Variants in SNRK observed in about 807,000 individuals in gnomAD.
SNRK encodes SNF related kinase.
SNRK carries 3 observed loss-of-function variants against 48.2 expected under a neutral mutation model. The observed-to-expected ratio is 0.06, with a 90% CI of 0.03 to 0.16. The LOEUF is 0.16. SNRK is among the 10% of genes least tolerant of loss of function. The pLI is 1.00. For missense variants in SNRK, 627 were observed against 976.0 expected (o/e 0.64, Z 4.76); for synonymous variants, 376 against 366.1 (o/e 1.03, Z -0.31).
chr3:43,287,718 C>G (rs1323070242), intron 1 of SNRK, among the ~76,000 whole-genome samples: 1 of 152,148 alleles, frequency 6.6e-6, no homozygotes, highest in Non-Finnish European at 1.5e-5. Flanking sequence ...ACATGAAATG[C>G]CTGAGTTTGG....
Position 43,303,353 on chromosome 3 carries a change from A to G in SNRK, c.150A>G (p.Thr50=). 6.2e-7 allele frequency: 1 copy of G among 1,614,198 alleles called. No individual in the cohort carries two copies. The highest frequency in any genetic ancestry group is 1.7e-5 in the Admixed American group (1 of 60,022). Residue 50 remains threonine, a synonymous_variant, in exon 3 of 7, where the codon ACA becomes ACG. Coordinates refer to ENST00000296088, the MANE Select transcript of SNRK (RefSeq NM_017719.5). This position sits in a 1 kb window ranked among gnomAD's most constrained non-coding sequence, Gnocchi z 6.2. The stretch of plus-strand genomic sequence containing the variant: ...TGGCAGTAAAAGTTATTGACAAGAC[A>G]AAACTGGACACTCTAGCTACTGGTC... ...EKVAVKVIDK[T]KLDTLATGHL...
intron 3 of SNRK, among the ~76,000 whole-genome samples, chr3:43,309,805 A>G (rs1423478264): frequency 6.6e-6 from 1 of 151,970 alleles, no homozygotes; most frequent in African/African-American, 2.4e-5. Context: ...TTGTAAAGAT[A>G]GAGTCTTACT....
chr3:43,310,676 C>T (rs1359665680), intron 3 of SNRK, among the ~76,000 whole-genome samples: 1 of 152,088 alleles, frequency 6.6e-6, no homozygotes, highest in Non-Finnish European at 1.5e-5. Flanking sequence ...TATTCAAAAT[C>T]ATTTTTCTCC....
At chr3:43,337,431 G>C (rs1199915668) in intron 4 of SNRK, among the ~76,000 whole-genome samples, 4 of 151,834 alleles carry the variant, frequency 2.6e-5, no homozygotes. Flanking sequence ...ATTTTTTGGA[G>C]GGTGTCGGGG....
chr3:43,324,616 A>G (rs1293043460), intron 3 of SNRK, among the ~76,000 whole-genome samples: 2 of 152,164 alleles, frequency 1.3e-5, no homozygotes, highest in Admixed American at 6.5e-5. Context: ...GTGTGGTTAT[A>G]TTTGAGAGAA....
intron 6 of SNRK, among the ~76,000 whole-genome samples, chr3:43,346,748 A>G (rs545679261): frequency 3.6e-4 from 55 of 152,346 alleles, no homozygotes; most frequent in African/African-American, 1.3e-3. Context: ...CTGTCTCAAA[A>G]GCCAGATATT....
Position 43,300,922 on chromosome 3 carries a change from G to A in SNRK, c.-107+1107G>A, listed in dbSNP as rs141127206. 1.8e-3 allele frequency among the ~76,000 whole-genome samples: 274 copies of A among 152,364 alleles called. 1 individual carries two copies. The highest frequency in any genetic ancestry group is 6.2e-3 in the African/African-American group (259 of 41,576). On this transcript the variant is annotated intron_variant, in intron 2 of 6. Coordinates refer to ENST00000296088, the MANE Select transcript of SNRK (RefSeq NM_017719.5). ...AGCGTAGCATAGTGTTTTAAAGCAC[G>A]GACTTTGGTGTCAGACAGCCGTGGG...
In SNRK at chr3:43,326,807, C is replaced by G. The variant is rs553648913; in HGVS notation, c.590-5362C>G. Among the ~76,000 whole-genome samples, 3 of 152,166 alleles carry G rather than the reference C, an allele frequency of 2.0e-5. No homozygotes were observed. The South Asian group carries it at 6.2e-4, about 32-fold the overall frequency. ...TAGCAGCATTGATTTTTGAAGTCCC[C>G]AAGGGACATTTAGATGAATTAAGAT... is the stretch of plus-strand genomic sequence containing the variant. On this transcript the variant is annotated intron_variant, in intron 3 of 6. Coordinates refer to ENST00000296088, the MANE Select transcript of SNRK (RefSeq NM_017719.5).
intron 1 of SNRK, among the ~76,000 whole-genome samples, chr3:43,298,135 C>G (rs1184915913): frequency 6.6e-6 from 1 of 152,136 alleles, no homozygotes; most frequent in East Asian, 1.9e-4. Context: ...CTCACCATAT[C>G]TTATGAGATT....
At chr3:43,314,877 A>T (rs1220946382) in intron 3 of SNRK, 1 of 151,526 alleles carries the variant, frequency 6.6e-6, no homozygotes, top group Non-Finnish European at 1.5e-5. Context: ...TCCATCTCTT[A>T]AAAAAAAATT....
intron 4 of SNRK, among the ~76,000 whole-genome samples, chr3:43,339,686 C>T (rs928297706): frequency 2.0e-4 from 30 of 150,760 alleles, no homozygotes; most frequent in Non-Finnish European, 2.5e-4. Flanking sequence ...TGTGGTGGCA[C>T]GTGCCTGTAG....
chr3:43,341,004 A>AG (rs1225024008), intron 5 of SNRK, among the ~76,000 whole-genome samples: 9 of 152,074 alleles, frequency 5.9e-5, no homozygotes, highest in Non-Finnish European at 2.9e-5. Flanking sequence ...ATAATGGCAG[A>AG]GTGGTTGTGG....
intron 3 of SNRK, among the ~76,000 whole-genome samples, chr3:43,325,188 C>T (rs1442999955): frequency 2.6e-5 from 4 of 152,128 alleles, no homozygotes; most frequent in Admixed American, 1.3e-4. Context: ...GTTTTTGAGA[C>T]GGAGTCTCGC....
chr3:43,295,309 G>A (rs1021200743), intron 1 of SNRK, among the ~76,000 whole-genome samples: 1 of 152,182 alleles, frequency 6.6e-6, no homozygotes, highest in Non-Finnish European at 1.5e-5. Flanking sequence ...AGTACTTCAA[G>A]GATTCTGCAT....
chr3:43,302,647 T>C (rs998911601), intron 2 of SNRK, among the ~76,000 whole-genome samples: 4 of 152,010 alleles, frequency 2.6e-5, no homozygotes, highest in African/African-American at 9.7e-5. Context: ...GATTTTTTTT[T>C]TTTTTTTTGC....
rs149633810 is a variant in SNRK, at chr3:43,317,078, T to G, written c.589+13286T>G. Among the ~76,000 whole-genome samples, 81 of 152,262 alleles carry G rather than the reference T, an allele frequency of 5.3e-4. 1 individual carries two copies. The East Asian group carries it at 9.3e-3, about 17-fold the overall frequency. ...CCTTCCTGTAAAATCCTGTGTAAAA[T>G]GACAAAAGTGCACAATTGATCATTG... On this transcript the variant is annotated intron_variant, in intron 3 of 6. Transcript: ENST00000296088.
intron 3 of SNRK, among the ~76,000 whole-genome samples, chr3:43,321,608 C>T (rs2125632447): frequency 6.6e-6 from 1 of 152,254 alleles, no homozygotes; most frequent in Non-Finnish European, 1.5e-5. Context: ...CAGCTGTCAG[C>T]TGATAGGTAA....
intron 3 of SNRK, among the ~76,000 whole-genome samples, chr3:43,325,314 C>T (rs968966019): frequency 1.2e-4 from 19 of 152,076 alleles, no homozygotes; most frequent in Non-Finnish European, 2.2e-4. Context: ...TATAGGTGCC[C>T]GCCACCGCGC....
At chr3:43,318,795 G>T (rs2091031902) in intron 3 of SNRK, among the ~76,000 whole-genome samples, 1 of 152,090 alleles carries the variant, frequency 6.6e-6, no homozygotes, top group Admixed American at 6.5e-5. Flanking sequence ...GGAGGCCGAG[G>T]CAGGTGAATC....
Sources: allele counts gnomAD v4.1 joint callset (sites outside exome capture counted in the v4.1 genomes callset), GRCh38; gene constraint gnomAD v4.1.1; non-coding constraint Gnocchi (gnomAD v3.1); transcripts MANE v1.5; gene names NCBI Gene and HGNC (gene_info 2026-07-23, HGNC 2026-07-21).